Variants in MANBA observed in about 807,000 individuals in gnomAD.
MANBA encodes beta-mannosidase.
Under a neutral mutation model 111.1 loss-of-function variants are expected in MANBA, and 83 were observed. That is an observed-to-expected ratio of 0.75 (90% CI 0.63 to 0.90). The LOEUF (loss-of-function observed/expected upper bound fraction) is 0.90. MANBA is among the 40% of genes least tolerant of loss of function. The pLI is 0.00. For synonymous variants in MANBA, 370 were observed against 378.7 expected, an observed-to-expected ratio of 0.98 and a Z score of 0.27; for missense variants, 1,036 against 1,069.0, an observed-to-expected ratio of 0.97 and a Z score of 0.43.
chr4:102,676,151 C>A (rs1466627343), intron 7 of MANBA, among the ~76,000 whole-genome samples: 1 of 152,116 alleles, frequency 6.6e-6, no homozygotes, highest in Non-Finnish European at 1.5e-5. Flanking sequence ...TGAAAGCCAC[C>A]TTTCTCTTGA....
In MANBA at chr4:102,670,154, CA is replaced by C. The variant is rs70937560; in HGVS notation, c.1231-1106del. Among the ~76,000 whole-genome samples the C allele has an allele frequency of 8.5e-3, 913 of 107,830 alleles. 3 individuals are homozygous for C. Among genetic ancestry groups the C allele is most frequent in the East Asian group, 0.032 (131 of 4,152 alleles). The allele number at this position is 107,830 out of a possible 152,430, so 70.7% of individuals were successfully genotyped here. A position where few individuals can be genotyped will look rare whatever the true frequency, so the allele number is the denominator to read the frequency against. Reference sequence around the variant, plus strand: ...TAGGCAACAGAGCCAGACTCCATATCAAAAAAAAAAAAAAAAAAAAAAAGAT... The same window carrying C: ...TAGGCAACAGAGCCAGACTCCATATCAAAAAAAAAAAAAAAAAAAAAAGAT... On this transcript the variant is annotated intron_variant, in intron 9 of 16. Coordinates refer to ENST00000647097, the MANE Select transcript of MANBA (RefSeq NM_005908.4).
At chr4:102,637,400 G>A (rs1278549625) in intron 14 of MANBA, among the ~76,000 whole-genome samples, 1 of 152,204 alleles carries the variant, frequency 6.6e-6, no homozygotes, top group Non-Finnish European at 1.5e-5. Flanking sequence ...TTCAGAAGGT[G>A]TCCTGCCTCA....
intron 1 of MANBA, chr4:102,734,396 T>C: frequency 6.2e-7 from 1 of 1,610,180 alleles, no homozygotes; most frequent in Non-Finnish European, 8.5e-7. Flanking sequence ...TGGAGGTGCC[T>C]GAGCCCACTT....
At chr4:102,665,096 A>G (rs975223815) in intron 10 of MANBA, 1 of 468,958 alleles carries the variant, frequency 2.1e-6, no homozygotes, top group Non-Finnish European at 3.8e-6. Context: ...CTATATAAAA[A>G]CTGAAGATAA....
chr4:102,672,761 C>G (rs530913812), intron 8 of MANBA, among the ~76,000 whole-genome samples: 31 of 152,114 alleles, frequency 2.0e-4, no homozygotes, highest in Non-Finnish European at 4.1e-4. Flanking sequence ...ACTGTGCATG[C>G]GAAGGATACA....
chr4:102,715,653 C>T (rs1318022061), intron 4 of MANBA, among the ~76,000 whole-genome samples: 1 of 152,182 alleles, frequency 6.6e-6, no homozygotes, highest in African/African-American at 2.4e-5. Flanking sequence ...TCCCACCCTC[C>T]ACCTTCTGGC....
chr4:102,659,316 A>G (rs1404290790), intron 11 of MANBA, among the ~76,000 whole-genome samples: 1 of 152,216 alleles, frequency 6.6e-6, no homozygotes, highest in East Asian at 1.9e-4. Context: ...ATATTACAGA[A>G]GGCCAGTAAG....
At chr4:102,748,043 G>A (rs550665472) in intron 1 of MANBA, among the ~76,000 whole-genome samples, 1 of 152,290 alleles carries the variant, frequency 6.6e-6, no homozygotes, top group South Asian at 2.1e-4. Flanking sequence ...ACTTGCTCAG[G>A]GAGTGAGGCT....
At chr4:102,747,966 C>T (rs777224354) in intron 1 of MANBA, among the ~76,000 whole-genome samples, 3 of 152,166 alleles carry the variant, frequency 2.0e-5, no homozygotes, top group Non-Finnish European at 4.4e-5. Context: ...GACTGGACCT[C>T]ATGAAAGGTT....
intron 11 of MANBA, among the ~76,000 whole-genome samples, chr4:102,659,923 C>A (rs1054009324): frequency 8.5e-5 from 13 of 152,080 alleles, no homozygotes; most frequent in African/African-American, 2.4e-4. Flanking sequence ...CCCTCTCCAT[C>A]CCCAGATGGA....
intron 1 of MANBA, among the ~76,000 whole-genome samples, chr4:102,741,829 C>T (rs1305798726): frequency 6.6e-6 from 1 of 152,122 alleles, no homozygotes; most frequent in Non-Finnish European, 1.5e-5. Flanking sequence ...CTGTATACTG[C>T]TTGGGTGATG....
At chr4:102,686,800 G>T (rs1732236743) in intron 7 of MANBA, among the ~76,000 whole-genome samples, 1 of 151,948 alleles carries the variant, frequency 6.6e-6, no homozygotes, top group South Asian at 2.1e-4. Context: ...TACTAATTAT[G>T]ACTGCCTGGG....
chr4:102,730,264 A>T (rs1722983059), intron 1 of MANBA: 1 of 560,524 alleles, frequency 1.8e-6, no homozygotes, highest in Admixed American at 3.2e-5. Context: ...AGTTAACTTT[A>T]CCACATATCG....
chr4:102,644,913 A>AT (rs958975816), intron 13 of MANBA, among the ~76,000 whole-genome samples: 1 of 151,962 alleles, frequency 6.6e-6, no homozygotes, highest in Non-Finnish European at 1.5e-5. Context: ...AGAAATATTA[A>AT]TTTTTTTAAA....
intron 10 of MANBA, chr4:102,665,079 T>C (rs536597617): frequency 3.9e-6 from 2 of 519,062 alleles, no homozygotes; most frequent in Admixed American, 3.3e-5. Flanking sequence ...AGGGTTTCTC[T>C]TCTCTGCTAT....
chr4:102,665,238 A>T, intron 10 of MANBA: 1 of 217,100 alleles, frequency 4.6e-6, no homozygotes, highest in Non-Finnish European at 9.2e-6. Flanking sequence ...GGTTCTTAAG[A>T]GCAAATTGGA....
intron 5 of MANBA, among the ~76,000 whole-genome samples, chr4:102,702,662 A>G (rs914432638): frequency 6.6e-6 from 1 of 152,210 alleles, no homozygotes; most frequent in Non-Finnish European, 1.5e-5. Context: ...AGGACTAAGA[A>G]TACAGAAAAG....
chr4:102,657,628 C>T (rs999792104), intron 12 of MANBA, 54 bp downstream of exon 12: 3 of 1,385,794 alleles, frequency 2.2e-6, no homozygotes, highest in African/African-American at 2.8e-5. Context: ...TCAGAATAAA[C>T]ACATGCCCAC....
At chr4:102,672,197 G>GA (rs1228385083) in intron 8 of MANBA, 1 of 397,750 alleles carries the variant, frequency 2.5e-6, no homozygotes, top group East Asian at 3.6e-5. Context: ...ACAACTTTTG[G>GA]AAAAAATCAG....
Sources: gnomAD v4.1 joint callset for allele counts (sites outside exome capture counted in the v4.1 genomes callset) on GRCh38, gnomAD v4.1.1 for gene constraint, MANE v1.5 for transcripts, NCBI Gene and HGNC (gene_info 2026-07-23, HGNC 2026-07-21) for gene names.